CRAMP1: variants seen among roughly 807,000 people sequenced by gnomAD.
CRAMP1 encodes the protein protein cramped-like.
A neutral mutation model predicts 115.4 loss-of-function variants in CRAMP1; 50 were observed. The observed-to-expected ratio is 0.43, with a 90% CI of 0.35 to 0.55. CRAMP1 has a LOEUF of 0.55. Ranked by LOEUF, CRAMP1 falls within the 20% of genes least tolerant of loss-of-function variation. The pLI is 0.01. For missense variants in CRAMP1, 1,679 were observed against 1,721.7 expected (o/e 0.98, Z 0.44); for synonymous variants, 866 against 745.4 (o/e 1.16, Z -2.64).
In CRAMP1 at chr16:1,662,402, T is replaced by C. The variant is rs2036839934; in HGVS notation, c.2414-88T>C. 2.7e-6 allele frequency: 3 copies of C among 1,094,818 alleles called. No individual in the cohort carries two copies. The South Asian group carries it at 4.2e-5, about 15-fold the overall frequency. The allele number at this position is 1,094,818 out of a possible 1,614,324, so 67.8% of individuals were successfully genotyped here. A position where few individuals can be genotyped will look rare whatever the true frequency, so the allele number is the denominator to read the frequency against. The stretch of plus-strand genomic sequence containing the variant: ...GAACGGGTTGCCAAGAGAATGTCTT[T>C]CTGACTTTCTTCCCAACGGAATTCC... On this transcript the variant is annotated intron_variant, in intron 11 of 20. Coordinates refer to ENST00000397412, the MANE Select transcript of CRAMP1 (RefSeq NM_020825.4).
Position 1,614,837 on chromosome 16 carries a change from G to A in CRAMP1, c.198G>A (p.Pro66=). 3 of 1,275,758 alleles carry A rather than the reference G, an allele frequency of 2.4e-6. No individual in the cohort carries two copies. Among genetic ancestry groups the A allele is most frequent in the Non-Finnish European group, 2.0e-6 (2 of 1,015,424 alleles). The allele number at this position is 1,275,758 out of a possible 1,614,324, so 79.0% of individuals were successfully genotyped here. ...ADGPPAPPGA[P]QAPSPPQGSP... ...GCCCCCCCGCGCCCCCCGGCGCGCC[G>A]CAGGCGCCGTCCCCGCCGCAGGGCA... The change falls in exon 2 of 21, where the codon CCG becomes CCA. Residue 66 remains proline (P), a synonymous_variant. Coordinates refer to ENST00000397412, the MANE Select transcript of CRAMP1 (RefSeq NM_020825.4). This position sits in a 1 kb window ranked among gnomAD's most constrained non-coding sequence, Gnocchi z 4.4.
At position 1,614,861 on chromosome 16, in the gene CRAMP1, C is replaced by G. The variant is rs2036403856; in HGVS notation, c.222C>G (p.Gly74=). The part of the protein sequence containing the change: ...GAPQAPSPPQ[G]SPQDQHHFLR... The stretch of plus-strand genomic sequence containing the variant: ...CGCAGGCGCCGTCCCCGCCGCAGGG[C>G]AGCCCCCAGGACCAGCACCACTTCC... The change falls in exon 2 of 21, where the codon GGC becomes GGG. Residue 74 remains glycine (G), a synonymous_variant. Transcript: ENST00000397412. The surrounding 1 kb of genome is among the most constrained non-coding windows in gnomAD (Gnocchi z 4.4). 3.8e-6 allele frequency: 5 copies of G among 1,317,990 alleles called. No individual in the cohort carries two copies. The highest frequency in any genetic ancestry group is 4.8e-6 in the Non-Finnish European group (5 of 1,033,658). The allele number at this position is 1,317,990 out of a possible 1,614,324, so 81.6% of individuals were successfully genotyped here.
At chr16:1,654,271 G>T (rs1338129591) in intron 8 of CRAMP1, among the ~76,000 whole-genome samples, 2 of 150,946 alleles carry the variant, frequency 1.3e-5, no homozygotes, top group East Asian at 3.9e-4. Flanking sequence ...AGTGCAAATG[G>T]CGCAGTCTCG....
At chr16:1,667,252 T>G in intron 16 of CRAMP1, 83 bp from the exon 17 acceptor site, 1 of 1,171,616 alleles carries the variant, frequency 8.5e-7, no homozygotes, top group Admixed American at 1.7e-5. Context: ...GAACGCCTCT[T>G]TTTCTGGAAC....
chr16:1,617,506 G>C (rs1215108039), intron 2 of CRAMP1, among the ~76,000 whole-genome samples: 1 of 152,250 alleles, frequency 6.6e-6, no homozygotes, highest in Non-Finnish European at 1.5e-5. Context: ...GGAGTGGTGA[G>C]CATCTGTCAG....
rs772386425 is a variant in CRAMP1 at position 1,669,176 on chromosome 16, G to A, written c.3499+11G>A. 5.2e-5 allele frequency: 82 copies of A among 1,567,796 alleles called. No homozygotes were observed. Among genetic ancestry groups the A allele is most frequent in the Non-Finnish European group, 7.0e-5 (81 of 1,156,438 alleles). ...TCAGCAGCCTGTTTGGTGAGTGTAT[G>A]GGGAGGGCTCCCATCTCCTTTTCCA... On this transcript the variant is annotated intron_variant, in intron 19 of 20. Coordinates refer to ENST00000397412, the MANE Select transcript of CRAMP1 (RefSeq NM_020825.4). The surrounding 1 kb of genome is among the most constrained non-coding windows in gnomAD (Gnocchi z 4.6).
chr16:1,656,155 C>T lies in CRAMP1; in HGVS notation c.1398C>T (p.Ser466=), dbSNP rs1157642844. The change falls in exon 10 of 21, where the codon AGC becomes AGT. Residue 466 remains serine (S), a synonymous_variant. Transcript: ENST00000397412. This position sits in a 1 kb window ranked among gnomAD's most constrained non-coding sequence, Gnocchi z 5.6. ...TARGQVKCPR[S]GAEGKGVGRP... is the part of the protein sequence containing the mutation. ...GGGGCCAGGTGAAATGCCCGCGGAG[C>T]GGAGCTGAGGGCAAGGGTGTGGGGC... 9.3e-6 allele frequency: 15 copies of T among 1,606,968 alleles called. No homozygotes were observed. Among genetic ancestry groups the T allele is most frequent in the East Asian group, 2.2e-5 (1 of 44,748 alleles).
chr16:1,676,114 T>C lies in CRAMP1; in HGVS notation c.*2069T>C, dbSNP rs1227813117. 1 of 151,852 alleles carries C rather than the reference T, an allele frequency of 6.6e-6. No homozygotes were observed. Among genetic ancestry groups the C allele is most frequent in the Non-Finnish European group, 1.5e-5 (1 of 67,992 alleles). The allele number at this position is 151,852 out of a possible 1,614,324, so 9.4% of individuals were successfully genotyped here. On this transcript the variant is annotated 3_prime_UTR_variant, in exon 21 of 21. Transcript: ENST00000397412. ...GTGCACTGTGCCAGGGACAGGAGGGTTTGTGAACTGCCTGTCAGGGTACCT... is the reference window on the plus strand; with the variant it reads ...GTGCACTGTGCCAGGGACAGGAGGGCTTGTGAACTGCCTGTCAGGGTACCT...
At chr16:1,667,747 G>T (rs576406777) in intron 17 of CRAMP1, among the ~76,000 whole-genome samples, 1 of 152,256 alleles carries the variant, frequency 6.6e-6, no homozygotes, top group East Asian at 1.9e-4. Flanking sequence ...GCAGGTCCAG[G>T]CCACTGCAGC....
chr16:1,637,240 G>C (rs1051680757), intron 4 of CRAMP1, among the ~76,000 whole-genome samples: 1 of 152,000 alleles, frequency 6.6e-6, no homozygotes, highest in Non-Finnish European at 1.5e-5. Flanking sequence ...GTTGCGGTGA[G>C]CCGAGATCAT....
intron 11 of CRAMP1, among the ~76,000 whole-genome samples, chr16:1,660,330 G>T (rs2036817885): frequency 1.3e-5 from 2 of 152,186 alleles, no homozygotes; most frequent in Admixed American, 1.3e-4. Context: ...GTGACTTTGG[G>T]GTCTGCTTCA....
intron 20 of CRAMP1, 24 bp from the exon 21 acceptor site, chr16:1,673,851 ACTTGTT>A (rs772992161): frequency 1.9e-6 from 3 of 1,611,948 alleles, no homozygotes; most frequent in South Asian, 2.2e-5. Context: ...GGTCGCGGTG[ACTTGTT>A]CTTCCTGTCT....
intron 9 of CRAMP1, 76 bp downstream of exon 9, chr16:1,655,376 T>A (rs1596493610): frequency 1.7e-6 from 2 of 1,170,998 alleles, no homozygotes; most frequent in Admixed American, 1.7e-5. Flanking sequence ...CGCCTCCCTG[T>A]GCCTGTCATC....
Position 1,614,920 on chromosome 16 carries a change from C to T in CRAMP1, c.281C>T (p.Pro94Leu), listed in dbSNP as rs957023853. ...RSSVRPQSKR[P>L]RKDPPSAVGS... is the part of the protein sequence containing the mutation. ...AGCGTGCGGCCGCAGAGCAAGAGGC[C>T]CAGGAAGGATCCTCCGAGCGCTGTG... is the stretch of plus-strand genomic sequence containing the variant. The change falls in exon 2 of 21, where the codon CCC becomes CTC. Residue 94 changes from proline to leucine, a missense_variant. Physicochemically the swap from Pro to Leu is moderately conservative, Grantham distance 98 (BLOSUM62 -3). Around this residue, in one of 8 missense-constraint regions of CRAMP1, gnomAD observed 264 missense variants for 229.7 expected, o/e 1.15. Transcript: ENST00000397412. The surrounding 1 kb of genome is among the most constrained non-coding windows in gnomAD (Gnocchi z 4.4). 5.4e-6 allele frequency: 7 copies of T among 1,300,876 alleles called. No individual in the cohort carries two copies. The African/African-American group carries it at 7.6e-5, about 14-fold the overall frequency. 80.6% of individuals were successfully genotyped at this position (1,300,876 alleles called of 1,614,324 possible). A position where few individuals can be genotyped will look rare whatever the true frequency, so the allele number is the denominator to read the frequency against.
At position 1,665,155 on chromosome 16, in the gene CRAMP1, T is replaced by C. The variant is rs777128698; in HGVS notation, c.2752+17T>C. 2 of 1,557,634 alleles carry C rather than the reference T, an allele frequency of 1.3e-6. No homozygotes were observed. Among genetic ancestry groups the C allele is most frequent in the South Asian group, 1.1e-5 (1 of 89,894 alleles). Reference sequence around the variant, plus strand: ...CCGTAACTGGTAAGGACCCTGAGCTTTTCTGGGGTAGCTTGTCCCTCCTCC... The same window carrying C: ...CCGTAACTGGTAAGGACCCTGAGCTCTTCTGGGGTAGCTTGTCCCTCCTCC... On this transcript the variant is annotated intron_variant, in intron 14 of 20. Coordinates refer to ENST00000397412, the MANE Select transcript of CRAMP1 (RefSeq NM_020825.4).
chr16:1,626,703 G>T (rs1196436544), intron 3 of CRAMP1, among the ~76,000 whole-genome samples: 4 of 152,130 alleles, frequency 2.6e-5, no homozygotes, highest in Non-Finnish European at 5.9e-5. Flanking sequence ...AGTTTCACCT[G>T]CATTATTGTT....
At chr16:1,670,499 G>C (rs577076246) in intron 19 of CRAMP1, 165 bp from the exon 20 acceptor site, 16 of 697,026 alleles carry the variant, frequency 2.3e-5, no homozygotes, top group Non-Finnish European at 3.0e-5. Flanking sequence ...AGAAGAGCTC[G>C]TCACGGCGTG....
intron 11 of CRAMP1, among the ~76,000 whole-genome samples, chr16:1,661,774 A>G (rs1472552279): frequency 6.6e-6 from 1 of 151,952 alleles, no homozygotes; most frequent in Non-Finnish European, 1.5e-5. Context: ...TTTTGTTTTC[A>G]GTAGAGACAG....
rs566123519 is a variant in CRAMP1, at chr16:1,621,467, G to T, written c.347-4506G>T. 7.9e-5 allele frequency among the ~76,000 whole-genome samples: 12 copies of T among 152,342 alleles called. No homozygotes were observed. In the East Asian group the frequency reaches 2.3e-3, roughly 29 times the overall value. On this transcript the variant is annotated intron_variant, in intron 2 of 20. Transcript: ENST00000397412. Reference sequence around the variant, plus strand: ...GGAAACAGGCGGTGCGGATGGGAAGGGGAAAGCAGGTGGCAGTGTGGCCTC... The same window carrying T: ...GGAAACAGGCGGTGCGGATGGGAAGTGGAAAGCAGGTGGCAGTGTGGCCTC...
Sources: allele counts gnomAD v4.1 joint callset (sites outside exome capture counted in the v4.1 genomes callset), GRCh38; gene constraint gnomAD v4.1.1; regional missense constraint gnomAD v4.1.1; non-coding constraint Gnocchi (gnomAD v3.1); transcripts MANE v1.5; gene names NCBI Gene and HGNC (gene_info 2026-07-23, HGNC 2026-07-21).